The following MIA2 variants were observed in gnomAD, a reference collection of about 807,000 sequenced individuals.
MIA2 encodes the protein MIA SH3 domain ER export factor 2.
A neutral mutation model predicts 167.8 loss-of-function variants in MIA2; 127 were observed. The observed-to-expected ratio is 0.76, with a 90% CI of 0.66 to 0.88. The LOEUF is 0.88. MIA2 is among the 40% of genes least tolerant of loss of function. MIA2 has a pLI of 0.00. For synonymous variants in MIA2, 552 were observed against 541.9 expected, an observed-to-expected ratio of 1.02 and a Z score of -0.26; for missense variants, 1,690 against 1,624.7, an observed-to-expected ratio of 1.04 and a Z score of -0.69.
chr14:39,384,727 A>C (rs896436674), intron 23 of MIA2, among the ~76,000 whole-genome samples: 1 of 152,194 alleles, frequency 6.6e-6, no homozygotes, highest in African/African-American at 2.4e-5. Flanking sequence ...TGAAGCTCAC[A>C]GCCAGTCCTC....
chr14:39,243,228 G>C (rs1219934163), intron 3 of MIA2, among the ~76,000 whole-genome samples: 3 of 152,108 alleles, frequency 2.0e-5, no homozygotes, highest in African/African-American at 4.8e-5. Flanking sequence ...ATTTCCTAAG[G>C]AGCTCTGGAG....
At chr14:39,374,613 C>T (rs992907454) in intron 23 of MIA2, among the ~76,000 whole-genome samples, 15 of 146,952 alleles carry the variant, frequency 1.0e-4, no homozygotes, top group African/African-American at 3.8e-4. Flanking sequence ...TTAACCAGGG[C>T]CAGTGTGTGT....
intron 6 of MIA2, chr14:39,267,026 G>C (rs1001740274): frequency 2.0e-6 from 2 of 1,003,028 alleles, no homozygotes; most frequent in Non-Finnish European, 2.4e-6. Context: ...ACCAGGGCTG[G>C]GTGGCTTCGC....
chr14:39,272,485 G>A (rs746379435), intron 6 of MIA2, among the ~76,000 whole-genome samples: 1 of 152,248 alleles, frequency 6.6e-6, no homozygotes, highest in Non-Finnish European at 1.5e-5. Context: ...TTAACTTGTG[G>A]CTTGGCTTTC....
intron 4 of MIA2, among the ~76,000 whole-genome samples, chr14:39,250,001 C>A (rs982290972): frequency 1.3e-5 from 2 of 152,036 alleles, no homozygotes; most frequent in African/African-American, 2.4e-5. Flanking sequence ...AAGGTGTAGG[C>A]GTGATGCTTT....
At chr14:39,352,322 T>G (rs1361587491), downstream of MIA2, among the ~76,000 whole-genome samples, 1 of 152,080 alleles carries the variant, frequency 6.6e-6, no homozygotes, top group Non-Finnish European at 1.5e-5. Context: ...GCTTCTCTGT[T>G]CCATGTGAAT....
chr14:39,331,112 A>G (rs1277524127), intron 25 of MIA2, among the ~76,000 whole-genome samples: 1 of 152,162 alleles, frequency 6.6e-6, no homozygotes, highest in African/African-American at 2.4e-5. Context: ...GTAGGTCTCT[A>G]AGAACTTGCT....
intron 23 of MIA2, among the ~76,000 whole-genome samples, chr14:39,363,042 G>A (rs1255521305): frequency 1.3e-5 from 2 of 151,984 alleles, no homozygotes; most frequent in East Asian, 3.9e-4. Flanking sequence ...AAGTATTATT[G>A]ATTTCTAGTT....
chr14:39,256,144 A>G (rs1594706535), intron 6 of MIA2, among the ~76,000 whole-genome samples: 1 of 152,222 alleles, frequency 6.6e-6, no homozygotes, highest in African/African-American at 2.4e-5. Flanking sequence ...AAGAAACTCA[A>G]GTTGGTTAGT....
At chr14:39,362,348 C>T (rs1437514447) in intron 23 of MIA2, among the ~76,000 whole-genome samples, 5 of 152,062 alleles carry the variant, frequency 3.3e-5, no homozygotes, top group African/African-American at 1.2e-4. Flanking sequence ...CTTTTTATTA[C>T]TGATTTAATT....
chr14:39,318,870 A>G (rs2065929866), intron 22 of MIA2, among the ~76,000 whole-genome samples: 1 of 152,102 alleles, frequency 6.6e-6, no homozygotes, highest in South Asian at 2.1e-4. Context: ...CAGTTTCCTT[A>G]GTTGTAAAAT....
intron 17 of MIA2, among the ~76,000 whole-genome samples, chr14:39,305,893 A>G (rs996896718): frequency 1.3e-5 from 2 of 151,362 alleles, no homozygotes; most frequent in African/African-American, 4.9e-5. Context: ...CCAAGGTTGC[A>G]CCACTGCACT....
chr14:39,360,105 C>G (rs2074646238), intron 23 of MIA2, among the ~76,000 whole-genome samples: 1 of 151,604 alleles, frequency 6.6e-6, no homozygotes, highest in African/African-American at 2.4e-5. Flanking sequence ...AGTTGGAGAC[C>G]AGCATGGCCA....
chr14:39,288,434 T>TAC (rs1724123579), intron 9 of MIA2, among the ~76,000 whole-genome samples: 2 of 10,424 alleles, frequency 1.9e-4, no homozygotes, highest in African/African-American at 5.6e-4. Context: ...ATATTATACA[T>TAC]ATATATATAT....
intron 24 of MIA2, among the ~76,000 whole-genome samples, chr14:39,321,711 TAAC>T (rs1455158923): frequency 2.6e-5 from 4 of 152,126 alleles, no homozygotes; most frequent in African/African-American, 9.6e-5. Flanking sequence ...TGAAATATAA[TAAC>T]AGTATAACCT....
downstream of MIA2, among the ~76,000 whole-genome samples, chr14:39,355,536 C>A (rs957771644): frequency 4.6e-5 from 7 of 152,028 alleles, no homozygotes; most frequent in African/African-American, 1.7e-4. Flanking sequence ...TAATTGAATG[C>A]CCTTTATTTC....
intron 23 of MIA2, among the ~76,000 whole-genome samples, chr14:39,378,983 A>G (rs2075099607): frequency 6.6e-6 from 1 of 152,212 alleles, no homozygotes; most frequent in Admixed American, 6.5e-5. Flanking sequence ...AAAAATCTTT[A>G]TTCTTTGAGA....
intron 6 of MIA2, among the ~76,000 whole-genome samples, chr14:39,262,320 G>C (rs2055162118): frequency 6.6e-6 from 1 of 152,160 alleles, no homozygotes; most frequent in Non-Finnish European, 1.5e-5. Flanking sequence ...AAGATCGGAT[G>C]GTTGTAGATG....
chr14:39,303,485 T>A lies in MIA2; in HGVS notation c.2748T>A (p.Pro916=). 1 of 1,610,792 alleles carries A rather than the reference T, an allele frequency of 6.2e-7. No homozygotes were observed. Among genetic ancestry groups the A allele is most frequent in the Non-Finnish European group, 8.5e-7 (1 of 1,177,858 alleles). ...TTTTGATTTTCACTGTAGATAATCC[T>A]CCAAAAGGAGCTTTGAAGAAACTGA... ...ESENGAYLDN[P]PKGALKKLIH... is the part of the protein sequence containing the mutation. The change falls in exon 16 of 29, where the codon CCT becomes CCA. Residue 916 remains proline, a synonymous_variant. Transcript: ENST00000640607.
Sources: allele counts gnomAD v4.1 joint callset (sites outside exome capture counted in the v4.1 genomes callset), GRCh38; gene constraint gnomAD v4.1.1; transcripts MANE v1.5; gene names NCBI Gene and HGNC (gene_info 2026-07-23, HGNC 2026-07-21).